HS3ST4: variants seen among roughly 807,000 people sequenced by gnomAD.
HS3ST4 encodes the protein heparan sulfate-glucosamine 3-sulfotransferase 4, also known as heparan sulfate glucosamine 3-O-sulfotransferase 4.
A neutral mutation model predicts 29.2 loss-of-function variants in HS3ST4; 17 were observed. That is an observed-to-expected ratio of 0.58 (90% CI 0.40 to 0.87). The LOEUF is 0.87. Ranked by LOEUF, HS3ST4 falls within the 40% of genes least tolerant of loss-of-function variation. HS3ST4 has a pLI of 0.00. For synonymous variants in HS3ST4, 314 were observed against 285.7 expected (o/e 1.10, Z -1.00); for missense variants, 627 against 634.5 (o/e 0.99, Z 0.13).
At chr16:25,876,490 AGCT>A (rs1017917969) in intron 1 of HS3ST4, among the ~76,000 whole-genome samples, 1 of 152,096 alleles carries the variant, frequency 6.6e-6, no homozygotes, top group Non-Finnish European at 1.5e-5. Context: ...TGGTTCTAGC[AGCT>A]GCAAGCCTCA....
rs568395554 is a variant in HS3ST4, at chr16:26,061,021, A to G, written c.735-74591A>G. Among the ~76,000 whole-genome samples, 19 of 152,298 alleles carry G rather than the reference A, an allele frequency of 1.2e-4. No homozygotes were observed. The South Asian group carries it at 2.5e-3, about 20-fold the overall frequency. Reference sequence around the variant, plus strand: ...TGATCTTTGAAGAATCTCACTTATTACATGTTCCCATCTTCTAAAGGGCTT... The same window carrying G: ...TGATCTTTGAAGAATCTCACTTATTGCATGTTCCCATCTTCTAAAGGGCTT... On this transcript the variant is annotated intron_variant, in intron 1 of 1. Transcript: ENST00000331351.
intron 1 of HS3ST4, among the ~76,000 whole-genome samples, chr16:25,916,991 T>C (rs1567272019): frequency 6.6e-6 from 1 of 152,146 alleles, no homozygotes; most frequent in Admixed American, 6.5e-5. Flanking sequence ...GAATGCATTC[T>C]TAAGTGCCTG....
rs1255215717 is a variant in HS3ST4 at position 25,694,753 on chromosome 16, A to G, written c.734+1602A>G. 2.6e-5 allele frequency among the ~76,000 whole-genome samples: 4 copies of G among 151,028 alleles called. No homozygotes were observed. The East Asian group carries it at 7.7e-4, about 29-fold the overall frequency. On this transcript the variant is annotated intron_variant, in intron 1 of 1. Transcript: ENST00000331351. ...TCTTCTGTGGAGTAGCTTTGGCCTTATGAGGGTAATTGCGTTTTTTTTTTT... is the reference window on the plus strand; with the variant it reads ...TCTTCTGTGGAGTAGCTTTGGCCTTGTGAGGGTAATTGCGTTTTTTTTTTT...
chr16:26,094,258 A>G (rs768184365), intron 1 of HS3ST4, among the ~76,000 whole-genome samples: 2 of 152,212 alleles, frequency 1.3e-5, no homozygotes, highest in Non-Finnish European at 2.9e-5. Flanking sequence ...CAGGAAATGC[A>G]GAGAACACCA....
chr16:25,705,595 C>T (rs913438085), intron 1 of HS3ST4, among the ~76,000 whole-genome samples: 1 of 151,892 alleles, frequency 6.6e-6, no homozygotes, highest in Non-Finnish European at 1.5e-5. Context: ...AACCCAGAGG[C>T]GGAGGTTGCA....
intron 1 of HS3ST4, among the ~76,000 whole-genome samples, chr16:25,857,901 TTCCTTCCTTCCTTCCTTC>T (rs1386257421): frequency 0.13 from 2,624 of 20,182 alleles, 98 homozygotes; most frequent in African/African-American, 0.25. Flanking sequence ...TTTTTCTTTC[TTCCTTCCTTCCTTCCTTC>T]CTTTCTTTCT....
intron 1 of HS3ST4, among the ~76,000 whole-genome samples, chr16:25,698,790 C>CATCAA (rs766072125): frequency 1.9e-4 from 29 of 152,156 alleles, no homozygotes; most frequent in Non-Finnish European, 4.0e-4. Flanking sequence ...ATTGGCTTTG[C>CATCAA]AGTGTGCATC....
chr16:26,068,158 C>T (rs1178219534), intron 1 of HS3ST4, among the ~76,000 whole-genome samples: 1 of 152,128 alleles, frequency 6.6e-6, no homozygotes, highest in African/African-American at 2.4e-5. Context: ...AACATGTATG[C>T]CAAAGGTGTA....
intron 1 of HS3ST4, among the ~76,000 whole-genome samples, chr16:25,866,772 G>T (rs535584747): frequency 6.6e-6 from 1 of 151,924 alleles, no homozygotes; most frequent in Non-Finnish European, 1.5e-5. Context: ...TGTATACCTA[G>T]GAAACAAGCC....
chr16:25,869,777 G>C (rs891470192), intron 1 of HS3ST4, among the ~76,000 whole-genome samples: 4 of 152,218 alleles, frequency 2.6e-5, no homozygotes, highest in Non-Finnish European at 5.9e-5. Flanking sequence ...ATCCCTGGGA[G>C]TAGTTGGCAT....
intron 1 of HS3ST4, among the ~76,000 whole-genome samples, chr16:25,813,527 G>T (rs1967063581): frequency 6.6e-6 from 1 of 152,168 alleles, no homozygotes; most frequent in South Asian, 2.1e-4. Context: ...AACCTGGGAG[G>T]CGGAGGTTGT....
intron 1 of HS3ST4, among the ~76,000 whole-genome samples, chr16:25,862,385 G>T (rs560776585): frequency 6.6e-6 from 1 of 152,180 alleles, no homozygotes; most frequent in Non-Finnish European, 1.5e-5. Flanking sequence ...TAGAAACGGG[G>T]TTTCACTATA....
chr16:26,049,344 C>T (rs929252212), intron 1 of HS3ST4, among the ~76,000 whole-genome samples: 1 of 147,912 alleles, frequency 6.8e-6, no homozygotes, highest in African/African-American at 2.5e-5. Context: ...GGTCTACATC[C>T]GGAGGTCTAC....
Position 26,131,642 on chromosome 16 carries a change from G to A in HS3ST4, c.735-3970G>A, listed in dbSNP as rs374731343. On this transcript the variant is annotated intron_variant, in intron 1 of 1. Coordinates refer to ENST00000331351, the MANE Select transcript of HS3ST4 (RefSeq NM_006040.3). ...AGATCCAAAGCCCAGGTTAGCAGGG[G>A]GTTTTGTCCTATCCACAGGAGGGAT... Among the ~76,000 whole-genome samples the A allele has an allele frequency of 1.0e-3, 153 of 152,308 alleles. 6 individuals carry two copies. The South Asian group carries it at 0.03, about 30-fold the overall frequency.
At chr16:25,906,765 A>G (rs1198293581) in intron 1 of HS3ST4, among the ~76,000 whole-genome samples, 1 of 152,232 alleles carries the variant, frequency 6.6e-6, no homozygotes, top group Non-Finnish European at 1.5e-5. Flanking sequence ...TGTATATGCC[A>G]ACGTGGCTGG....
intron 1 of HS3ST4, among the ~76,000 whole-genome samples, chr16:25,802,395 G>T (rs1486362118): frequency 6.6e-6 from 1 of 151,858 alleles, no homozygotes; most frequent in Non-Finnish European, 1.5e-5. Flanking sequence ...TTATATATTG[G>T]GGTCTGTTTT....
At chr16:26,052,227 T>C (rs2141766209) in intron 1 of HS3ST4, among the ~76,000 whole-genome samples, 1 of 152,238 alleles carries the variant, frequency 6.6e-6, no homozygotes, top group Non-Finnish European at 1.5e-5. Context: ...TGGCATTCCA[T>C]CGGACCCTTT....
chr16:26,123,351 C>T (rs1478533438), intron 1 of HS3ST4, among the ~76,000 whole-genome samples: 1 of 152,148 alleles, frequency 6.6e-6, no homozygotes, highest in African/African-American at 2.4e-5. Context: ...AGCCACACAC[C>T]TCTGTCAAGA....
chr16:26,046,145 A>ATTTTTTT (rs146624042), intron 1 of HS3ST4, among the ~76,000 whole-genome samples: 1 of 114,636 alleles, frequency 8.7e-6, no homozygotes, highest in Non-Finnish European at 1.7e-5. Flanking sequence ...AGGACAGGAA[A>ATTTTTTT]TTTTTTTTTT....
Sources: allele counts gnomAD v4.1 joint callset (sites outside exome capture counted in the v4.1 genomes callset), GRCh38; gene constraint gnomAD v4.1.1; transcripts MANE v1.5; gene names NCBI Gene and HGNC (gene_info 2026-07-23, HGNC 2026-07-21).